Variants in EIF2AK1 observed in about 807,000 individuals in gnomAD.
EIF2AK1 encodes the protein eukaryotic translation initiation factor 2 alpha kinase 1.
In EIF2AK1, 54 loss-of-function variants were observed where a neutral mutation model predicts 77.9. That is an observed-to-expected ratio of 0.69 (90% CI 0.56 to 0.87). The LOEUF is 0.87. Among genes scored for constraint, EIF2AK1 ranks in the 40% least tolerant of loss-of-function variants. The probability of loss-of-function intolerance (pLI) is 0.00; values close to 1 mark genes in which losing one functional copy is unlikely to be tolerated. For missense variants in EIF2AK1, 810 were observed against 768.6 expected, an observed-to-expected ratio of 1.05 and a Z score of -0.64; for synonymous variants, 314 against 290.5, an observed-to-expected ratio of 1.08 and a Z score of -0.82.
Position 6,023,130 on chromosome 7 carries a change from C to T in EIF2AK1, c.*1543G>A, listed in dbSNP as rs982352361. ...TTTTAACATAGTTTGCACTTAAACC[C>T]TTTTCAGTAGTAAGCATCTTAGAGA... On this transcript the variant is annotated 3_prime_UTR_variant, in exon 15 of 15. Transcript: ENST00000199389. 1.3e-5 allele frequency: 10 copies of T among 745,962 alleles called. No individual in the cohort carries two copies. Among genetic ancestry groups the T allele is most frequent in the Non-Finnish European group, 1.9e-5 (9 of 480,938 alleles). The allele number at this position is 745,962 out of a possible 1,614,324, so 46.2% of individuals were successfully genotyped here. A position where few individuals can be genotyped will look rare whatever the true frequency, so the allele number is the denominator to read the frequency against.
chr7:6,028,827 TATTAAATCTTTATG>T (rs1255333169), intron 12 of EIF2AK1, 77 bp downstream of exon 12: 1 of 1,405,460 alleles, frequency 7.1e-7, no homozygotes, highest in African/African-American at 1.4e-5. Context: ...TTACCTTTGC[TATTAAATCTTTATG>T]ATTCTCTTTA....
At chr7:6,031,504 G>C (rs1009649860) in intron 11 of EIF2AK1, 4 of 1,550,640 alleles carry the variant, frequency 2.6e-6, no homozygotes, top group Admixed American at 3.9e-5. Context: ...ACTGCACTAC[G>C]ATCGAGGTAC....
Position 6,043,495 on chromosome 7 carries a change from C to T in EIF2AK1, c.731-502G>A, listed in dbSNP as rs893522640. 4.6e-5 allele frequency among the ~76,000 whole-genome samples: 7 copies of T among 152,076 alleles called. 1 individual carries two copies. ...CCAGGGTGGAATGCATTGGCACGAT[C>T]TTGGCTCACTGCAACCTCCACCTCC... is the stretch of plus-strand genomic sequence containing the variant. On this transcript the variant is annotated intron_variant, in intron 7 of 14. Transcript: ENST00000199389.
chr7:6,053,828 T>C (rs1788676435), intron 2 of EIF2AK1, among the ~76,000 whole-genome samples: 1 of 111,806 alleles, frequency 8.9e-6, no homozygotes, highest in South Asian at 3.0e-4. Flanking sequence ...CCATTACGCC[T>C]GGGTAGTTTT....
At chr7:6,043,380 C>T (rs1166734000) in intron 7 of EIF2AK1, among the ~76,000 whole-genome samples, 1 of 151,838 alleles carries the variant, frequency 6.6e-6, no homozygotes, top group Non-Finnish European at 1.5e-5. Context: ...TGTTTAAGAA[C>T]AGCATGCACA....
intron 2 of EIF2AK1, among the ~76,000 whole-genome samples, chr7:6,051,403 C>G (rs992787727): frequency 2.0e-5 from 3 of 151,776 alleles, no homozygotes; most frequent in Non-Finnish European, 2.9e-5. Context: ...GCCTGAGTAG[C>G]TGGGATTACA....
In EIF2AK1 at chr7:6,059,087, C is replaced by G. The variant is rs1488264381; in HGVS notation, c.-4G>C. 1 of 1,382,038 alleles carries G rather than the reference C, an allele frequency of 7.2e-7. No homozygotes were observed. The highest frequency in any genetic ancestry group is 1.7e-5 in the South Asian group (1 of 60,588). 85.6% of individuals were successfully genotyped at this position (1,382,038 alleles called of 1,614,324 possible). ...CCCCGGAGTTGCCCCCCTGCATCGC[C>G]GGCCGCGCGCGGGCCGCAGCCCAGC... is the stretch of plus-strand genomic sequence containing the variant. On this transcript the variant is annotated 5_prime_UTR_variant, in exon 1 of 15. Transcript: ENST00000199389.
intron 9 of EIF2AK1, among the ~76,000 whole-genome samples, 196 bp downstream of exon 9, chr7:6,040,695 GA>G (rs1350883647): frequency 1.3e-5 from 2 of 152,176 alleles, no homozygotes; most frequent in Non-Finnish European, 2.9e-5. Flanking sequence ...GGGGAGGCCA[GA>G]AAAGGACGTG....
At chr7:6,043,932 G>A (rs1240735209) in intron 7 of EIF2AK1, among the ~76,000 whole-genome samples, 1 of 150,652 alleles carries the variant, frequency 6.6e-6, no homozygotes, top group Non-Finnish European at 1.5e-5. Context: ...AACCCTGTCT[G>A]TACTAAAAAT....
intron 8 of EIF2AK1, among the ~76,000 whole-genome samples, chr7:6,042,618 G>A (rs925516348): frequency 6.6e-6 from 1 of 152,088 alleles, no homozygotes; most frequent in African/African-American, 2.4e-5. Context: ...TGTAATCCCA[G>A]CACTTTGGGA....
At chr7:6,042,359 G>C (rs1040398010) in intron 8 of EIF2AK1, among the ~76,000 whole-genome samples, 26 of 151,744 alleles carry the variant, frequency 1.7e-4, no homozygotes, top group Non-Finnish European at 3.1e-4. Flanking sequence ...GCTAAGTCAG[G>C]AGGATCGCTT....
Position 6,032,155 on chromosome 7 carries a change from G to A in EIF2AK1, c.1333-3123C>T, listed in dbSNP as rs1323792831. On this transcript the variant is annotated intron_variant, in intron 11 of 14. Coordinates refer to ENST00000199389, the MANE Select transcript of EIF2AK1 (RefSeq NM_014413.4). The surrounding 1 kb of genome is among the most constrained non-coding windows in gnomAD (Gnocchi z 4.3). ...TACCACTGCACTCTCTAGCCTGGATGACAGAGCAAGACTCCATCTCAAACA... is the reference window on the plus strand; with the variant it reads ...TACCACTGCACTCTCTAGCCTGGATAACAGAGCAAGACTCCATCTCAAACA... Among the ~76,000 whole-genome samples, 1 of 152,170 alleles carries A rather than the reference G, an allele frequency of 6.6e-6. No individual in the cohort carries two copies.
chr7:6,036,222 AC>A lies in EIF2AK1; in HGVS notation c.1332+1201del, dbSNP rs746255682. 112 of 1,550,090 alleles carry A rather than the reference AC, an allele frequency of 7.2e-5. 1 individual carries two copies. The South Asian group carries it at 1.2e-3, about 17-fold the overall frequency. On this transcript the variant is annotated intron_variant, in intron 11 of 14. Transcript: ENST00000199389. This position sits in a 1 kb window ranked among gnomAD's most constrained non-coding sequence, Gnocchi z 4.6. ...ACCAGAATTCCGCCTCTTAAGGGACACCCTAATAAAGCAATCGCAAAAACCT... is the reference window on the plus strand; with the variant it reads ...ACCAGAATTCCGCCTCTTAAGGGACACCTAATAAAGCAATCGCAAAAACCT...
Position 6,028,945 on chromosome 7 carries a change from T to G in EIF2AK1, c.1420A>C (p.Thr474Pro), listed in dbSNP as rs745931055. Residue 474 changes from threonine to proline, a missense_variant, in exon 12 of 15, where the codon ACA becomes CCA. Thr to Pro is a conservative substitution (Grantham distance 38). Coordinates refer to ENST00000199389, the MANE Select transcript of EIF2AK1 (RefSeq NM_014413.4). ...TTCCCGTTTCTGTTGGTCCAGTCTG[T>G]GTTCTTCTGTAGGATGTCTGTGCAG... ...LACTDILQKN[T>P]DWTNRNGKRT... 3 of 1,609,692 alleles carry G rather than the reference T, an allele frequency of 1.9e-6. No individual in the cohort carries two copies. The highest frequency in any genetic ancestry group is 2.7e-5 in the African/African-American group (2 of 74,654).
rs774362738 is a variant in EIF2AK1 at position 6,041,119 on chromosome 7, C to T, written c.892G>A (p.Glu298Lys). The T allele has an allele frequency of 3.1e-6, 5 of 1,613,996 alleles. No individual in the cohort carries two copies. Among genetic ancestry groups the T allele is most frequent in the Non-Finnish European group, 4.2e-6 (5 of 1,180,012 alleles). ...TTCACCGACTTGTTATTCTGATTTT[C>T]AGTGTCAGATTCTCCAAAGCGTTTT... is the stretch of plus-strand genomic sequence containing the variant. ...KEKRFGESDT[E>K]NQNNKSVKYT... is the part of the protein sequence containing the mutation. The change falls in exon 9 of 15, where the codon GAA becomes AAA. Residue 298 changes from glutamate (E) to lysine (K), a missense_variant. Coordinates refer to ENST00000199389, the MANE Select transcript of EIF2AK1 (RefSeq NM_014413.4).
At position 6,024,375 on chromosome 7, in the gene EIF2AK1, G is replaced by T. The variant is rs560102887; in HGVS notation, c.*298C>A. The T allele has an allele frequency of 7.6e-6, 9 of 1,176,884 alleles. No individual in the cohort carries two copies. In the Admixed American group the frequency reaches 4.3e-4, roughly 56 times the overall value. The allele number at this position is 1,176,884 out of a possible 1,614,324, so 72.9% of individuals were successfully genotyped here. A position where few individuals can be genotyped will look rare whatever the true frequency, so the allele number is the denominator to read the frequency against. On this transcript the variant is annotated 3_prime_UTR_variant, in exon 15 of 15. Coordinates refer to ENST00000199389, the MANE Select transcript of EIF2AK1 (RefSeq NM_014413.4). ...CAGGGAGCACACATCAATTTCTGCG[G>T]TACCTTCTAGAGGAAGACCAGACAG...
At position 6,033,753 on chromosome 7, in the gene EIF2AK1, T is replaced by C. The variant is rs559498530; in HGVS notation, c.1332+3671A>G. 3.3e-4 allele frequency among the ~76,000 whole-genome samples: 50 copies of C among 152,016 alleles called. No homozygotes were observed. In the South Asian group the frequency reaches 8.9e-3, roughly 27 times the overall value. On this transcript the variant is annotated intron_variant, in intron 11 of 14. Transcript: ENST00000199389. This position sits in a 1 kb window ranked among gnomAD's most constrained non-coding sequence, Gnocchi z 4.4. ...CCTGGCTAATTTTTTGTATTTTTAG[T>C]AGAGATGGGGTTTCACCATGTTAGC...
At chr7:6,056,008 A>AC (rs1788747751) in intron 1 of EIF2AK1, among the ~76,000 whole-genome samples, 2 of 125,440 alleles carry the variant, frequency 1.6e-5, no homozygotes, top group Non-Finnish European at 3.4e-5. Context: ...AAAAAAAAAA[A>AC]CTAGCTGGGT....
At position 6,040,944 on chromosome 7, in the gene EIF2AK1, G is replaced by A. The variant is rs767764558; in HGVS notation, c.1067C>T (p.Thr356Ile). ...TTCTTCGGAAGATTCTTCGGTGGAT[G>A]TGAAACTCTCCTCTAGGTGGGAATT... is the stretch of plus-strand genomic sequence containing the variant. ...RRNSHLEESF[T>I]STEESSEENV... is the part of the protein sequence containing the mutation. Residue 356 changes from threonine to isoleucine, a missense_variant, in exon 9 of 15, where the codon ACA (threonine) becomes ATA (isoleucine). This residue lies in a region of EIF2AK1 where 549 missense variants were observed against 533.7 expected (regional missense o/e 1.03). Coordinates refer to ENST00000199389, the MANE Select transcript of EIF2AK1 (RefSeq NM_014413.4). 6.2e-6 allele frequency: 10 copies of A among 1,614,050 alleles called. No homozygotes were observed. Among genetic ancestry groups the A allele is most frequent in the Middle Eastern group, 3.3e-4 (2 of 6,084 alleles).
Sources: gnomAD v4.1 joint callset for allele counts (sites outside exome capture counted in the v4.1 genomes callset) on GRCh38, gnomAD v4.1.1 for gene constraint, gnomAD v4.1.1 regional missense constraint, Gnocchi (gnomAD v3.1) non-coding constraint, MANE v1.5 for transcripts, NCBI Gene and HGNC (gene_info 2026-07-23, HGNC 2026-07-21) for gene names.